Variants in SGSM1 observed in about 807,000 individuals in gnomAD.
SGSM1 encodes the protein small G protein signaling modulator 1.
In SGSM1, 73 loss-of-function variants were observed where a neutral mutation model predicts 133.8. The observed-to-expected ratio is 0.55, with a 90% CI of 0.45 to 0.66. The LOEUF is 0.66. Ranked by LOEUF, SGSM1 falls within the 30% of genes least tolerant of loss-of-function variation. The probability of loss-of-function intolerance (pLI) is 0.00; values close to 1 mark genes in which losing one functional copy is unlikely to be tolerated. For synonymous variants in SGSM1, 563 were observed against 573.0 expected (o/e 0.98, Z 0.25); for missense variants, 1,213 against 1,448.1 (o/e 0.84, Z 2.64).
chr22:24,811,439 G>A (rs1266388229), intron 2 of SGSM1, among the ~76,000 whole-genome samples: 1 of 151,988 alleles, frequency 6.6e-6, no homozygotes, highest in Non-Finnish European at 1.5e-5. Flanking sequence ...CGGGGTGGGG[G>A]TGGGCAGGGG....
Position 24,924,748 on chromosome 22 carries a change from T to G in SGSM1, c.*474T>G. 6.0e-6 allele frequency: 1 copy of G among 165,900 alleles called. No homozygotes were observed. The highest frequency in any genetic ancestry group is 1.3e-5 in the Non-Finnish European group (1 of 76,336). 10.3% of individuals were successfully genotyped at this position (165,900 alleles called of 1,614,324 possible). ...TTCTGGACATGGCTGAAGATTGACT[T>G]AGAGATTGACCCTCCACCTCGACAT... On this transcript the variant is annotated 3_prime_UTR_variant, in exon 25 of 25. Transcript: ENST00000400358.
At chr22:24,861,351 C>CAAAA (rs139707) in intron 9 of SGSM1, among the ~76,000 whole-genome samples, 1 of 75,878 alleles carries the variant, frequency 1.3e-5, no homozygotes, top group Non-Finnish European at 2.8e-5. Context: ...GACTCTGTCT[C>CAAAA]AAAAAAAAAA....
chr22:24,887,785 C>A (rs542662524), intron 16 of SGSM1, among the ~76,000 whole-genome samples: 30 of 152,320 alleles, frequency 2.0e-4, no homozygotes, highest in Admixed American at 3.3e-4. Flanking sequence ...AACTACCACA[C>A]TTCTGCAGTG....
chr22:24,845,886 C>T (rs1930067453), intron 3 of SGSM1, among the ~76,000 whole-genome samples: 1 of 152,056 alleles, frequency 6.6e-6, no homozygotes, highest in Non-Finnish European at 1.5e-5. Flanking sequence ...AGACCTGGAT[C>T]CACCTCTGCT....
At chr22:24,908,021 A>G (rs982424409) in intron 21 of SGSM1, among the ~76,000 whole-genome samples, 18 of 151,976 alleles carry the variant, frequency 1.2e-4, no homozygotes, top group Non-Finnish European at 2.9e-5. Context: ...ATCAACATGT[A>G]GATCAATGGA....
intron 8 of SGSM1, among the ~76,000 whole-genome samples, chr22:24,859,388 A>G (rs969090407): frequency 6.6e-5 from 10 of 152,114 alleles, no homozygotes; most frequent in African/African-American, 2.4e-4. Context: ...CGTGATTTTC[A>G]GTGGGGCAGA....
intron 8 of SGSM1, among the ~76,000 whole-genome samples, chr22:24,858,767 A>G (rs1403446938): frequency 6.6e-6 from 1 of 152,158 alleles, no homozygotes; most frequent in Non-Finnish European, 1.5e-5. Flanking sequence ...TCCTATGGGC[A>G]CAGCAGGTTT....
intron 9 of SGSM1, among the ~76,000 whole-genome samples, chr22:24,860,957 A>G (rs976320354): frequency 2.9e-5 from 4 of 139,926 alleles, no homozygotes; most frequent in African/African-American, 8.1e-5. Flanking sequence ...ATAATTTTGA[A>G]GCAACATGCA....
intron 2 of SGSM1, among the ~76,000 whole-genome samples, chr22:24,810,459 C>T (rs1031114134): frequency 6.6e-6 from 1 of 151,974 alleles, no homozygotes; most frequent in Non-Finnish European, 1.5e-5. Context: ...TCCTGGCTTC[C>T]TTTACCCTCC....
intron 18 of SGSM1, 104 bp from the exon 19 acceptor site, chr22:24,897,868 C>G: frequency 1.0e-6 from 1 of 1,002,786 alleles, no homozygotes; most frequent in Non-Finnish European, 1.5e-6. Context: ...CATGCTTGAT[C>G]CATATTTAAG....
At chr22:24,881,289 G>A (rs1404563756) in intron 14 of SGSM1, among the ~76,000 whole-genome samples, 4 of 145,010 alleles carry the variant, frequency 2.8e-5, no homozygotes, top group East Asian at 2.1e-4. Flanking sequence ...ACTCTGGGCC[G>A]GGCGTGGTGG....
rs1429659798 is a variant in SGSM1, at chr22:24,886,593, A to G, written c.1642-7A>G. 1.3e-6 allele frequency: 2 copies of G among 1,551,788 alleles called. No homozygotes were observed. Among genetic ancestry groups the G allele is most frequent in the Non-Finnish European group, 1.7e-6 (2 of 1,146,958 alleles). Reference sequence around the variant, plus strand: ...CCAAACTCTTTGCTCCTCTCCACCCACCACAGAGTTACGAGGAGCAGGAGC... The same window carrying G: ...CCAAACTCTTTGCTCCTCTCCACCCGCCACAGAGTTACGAGGAGCAGGAGC... On this transcript the variant is annotated splice_region_variant and splice_polypyrimidine_tract_variant and intron_variant, in intron 15 of 24. Transcript: ENST00000400358.
intron 2 of SGSM1, among the ~76,000 whole-genome samples, chr22:24,816,419 T>TTC (rs1299521102): frequency 4.1e-5 from 6 of 145,088 alleles, no homozygotes; most frequent in Non-Finnish European, 9.1e-5. Context: ...TTTTCTTTCT[T>TTC]TTTTTTTTTT....
At chr22:24,857,228 C>T (rs1433202371) in intron 8 of SGSM1, among the ~76,000 whole-genome samples, 1 of 148,204 alleles carries the variant, frequency 6.7e-6, no homozygotes, top group African/African-American at 2.5e-5. Context: ...ATGGTGAAAC[C>T]CTATCTCTAC....
At chr22:24,858,595 C>T (rs536678354) in intron 8 of SGSM1, among the ~76,000 whole-genome samples, 9 of 150,136 alleles carry the variant, frequency 6.0e-5, no homozygotes, top group Admixed American at 2.7e-4. Flanking sequence ...GAGATCGCGC[C>T]GCTGTCCTCC....
intron 10 of SGSM1, among the ~76,000 whole-genome samples, chr22:24,867,534 C>T (rs545747797): frequency 1.3e-5 from 2 of 152,322 alleles, no homozygotes; most frequent in African/African-American, 4.8e-5. Context: ...GACAGGGTGA[C>T]ATCATTTCCA....
chr22:24,868,670 G>A, intron 11 of SGSM1, 53 bp from the exon 12 acceptor site: 1 of 1,609,790 alleles, frequency 6.2e-7, no homozygotes, highest in East Asian at 2.2e-5. Flanking sequence ...GACTAAGCAA[G>A]TTGTGGGGAC....
chr22:24,857,524 T>G (rs557430785), intron 8 of SGSM1, among the ~76,000 whole-genome samples: 124 of 152,218 alleles, frequency 8.1e-4, no homozygotes, highest in Non-Finnish European at 1.4e-3. Context: ...TCTTTGAAAC[T>G]TACGTGGATG....
chr22:24,861,516 T>C (rs1931151908), intron 9 of SGSM1, among the ~76,000 whole-genome samples: 1 of 151,774 alleles, frequency 6.6e-6, no homozygotes, highest in African/African-American at 2.4e-5. Flanking sequence ...TTTTTAAACA[T>C]TTTAATTTTA....
Sources: gnomAD v4.1 joint callset for allele counts (sites outside exome capture counted in the v4.1 genomes callset) on GRCh38, gnomAD v4.1.1 for gene constraint, MANE v1.5 for transcripts, NCBI Gene and HGNC (gene_info 2026-07-23, HGNC 2026-07-21) for gene names.